The following RBMX2 variants were observed in gnomAD, a reference collection of about 807,000 sequenced individuals.
RBMX2 encodes the protein RNA binding motif protein X-linked 2, also known as RNA-binding motif protein, X-linked 2.
For synonymous variants in RBMX2, 77 were observed against 94.3 expected, an observed-to-expected ratio of 0.82 and a Z score of 1.07; for missense variants, 191 against 256.0, an observed-to-expected ratio of 0.75 and a Z score of 1.73.
intron 3 of RBMX2, 33 bp downstream of exon 3, chrX:130,403,886 C>T (rs377683090): frequency 1.4e-5 from 17 of 1,174,078 alleles, no homozygotes; most frequent in Admixed American, 4.3e-5. Flanking sequence ...CCTCCTGAGT[C>T]GACAGAGTAC....
At chrX:130,407,319 C>T (rs1348882912) in intron 3 of RBMX2, among the ~76,000 whole-genome samples, 1 of 111,347 alleles carries the variant, frequency 9.0e-6, no homozygotes, top group Non-Finnish European at 1.9e-5. Flanking sequence ...GTGTTAAGAC[C>T]GTAGCTCACT....
chrX:130,408,529 T>G (rs998979379), intron 3 of RBMX2, among the ~76,000 whole-genome samples: 1 of 112,014 alleles, frequency 8.9e-6, no homozygotes, highest in African/African-American at 3.2e-5. Flanking sequence ...TTTCATGCTG[T>G]TGTTAGGAGA....
chrX:130,412,232 GT>G, intron 5 of RBMX2, 128 bp from the exon 6 acceptor site: 1 of 911,760 alleles, frequency 1.1e-6, no homozygotes, highest in Non-Finnish European at 1.5e-6. Context: ...GGCTGTGAAT[GT>G]TTTTGAACTG....
chrX:130,402,225 A>ACCCGGCCC, intron 1 of RBMX2, 30 bp from the exon 2 acceptor site: 1 of 984,797 alleles, frequency 1.0e-6, no homozygotes, highest in Non-Finnish European at 1.4e-6. Flanking sequence ...TTTTCTGCCT[A>ACCCGGCCC]CCCTCCCCAC....
chrX:130,404,985 G>C (rs1396158172), intron 3 of RBMX2, among the ~76,000 whole-genome samples: 1 of 112,592 alleles, frequency 8.9e-6, no homozygotes, highest in African/African-American at 3.2e-5. Flanking sequence ...GAGCTAACGT[G>C]TGCATGTTTG....
chrX:130,403,879 C>T (rs755760911), intron 3 of RBMX2, 26 bp downstream of exon 3: 2 of 1,187,995 alleles, frequency 1.7e-6, no homozygotes, highest in Non-Finnish European at 1.1e-6. Context: ...TTTCCTGCCT[C>T]CTGAGTCGAC....
At chrX:130,404,326 C>T (rs759660223) in intron 3 of RBMX2, 1 of 117,379 alleles carries the variant, frequency 8.5e-6, no homozygotes, top group South Asian at 3.4e-4. Context: ...CAATCTCTGC[C>T]TGGAGGCTGA....
intron 4 of RBMX2, among the ~76,000 whole-genome samples, chrX:130,409,972 A>C (rs748347165): frequency 3.6e-5 from 4 of 112,670 alleles, no homozygotes; most frequent in East Asian, 5.6e-4. Flanking sequence ...GAGATAGCGC[A>C]AGTCAGGCTT....
chrX:130,409,215 C>G, intron 3 of RBMX2, 42 bp from the exon 4 acceptor site: 1 of 1,141,273 alleles, frequency 8.8e-7, no homozygotes, highest in Non-Finnish European at 1.2e-6. Context: ...ATGTTTTTGC[C>G]TTTTAAGTCA....
chrX:130,402,969 CTT>C (rs750592231), intron 2 of RBMX2, among the ~76,000 whole-genome samples: 1 of 112,861 alleles, frequency 8.9e-6, no homozygotes, highest in African/African-American at 3.2e-5. Context: ...TTATTTAACT[CTT>C]ATAATAATCT....
At chrX:130,402,170 T>C in intron 1 of RBMX2, 85 bp from the exon 2 acceptor site, 1 of 1,164,097 alleles carries the variant, frequency 8.6e-7, no homozygotes. Flanking sequence ...CGTCCCCTAG[T>C]TTTGCTCTTC....
Position 130,402,277 on chromosome X carries a change from A to G in RBMX2, c.28A>G (p.Ile10Val). MNPLTKVKL[I>V]NELNEREVQL... ...AAGCCCTTTAACTAAGGTGAAGCTG[A>G]TCAACGAGCTGAATGAACGAGAGGT... The change falls in exon 2 of 6, where the codon ATC becomes GTC. Residue 10 changes from isoleucine to valine, a missense_variant. Ile to Val is a conservative substitution (Grantham distance 29). Coordinates refer to ENST00000305536, the MANE Select transcript of RBMX2 (RefSeq NM_016024.4). 9.6e-7 allele frequency: 1 copy of G among 1,043,844 alleles called. No homozygotes were observed. The highest frequency in any genetic ancestry group is 1.3e-6 in the Non-Finnish European group (1 of 797,447). 86.0% of individuals were successfully genotyped at this position (1,043,844 alleles called of 1,213,427 possible).
intron 4 of RBMX2, chrX:130,411,117 C>T (rs1419782354): frequency 2.1e-5 from 6 of 290,258 alleles, no homozygotes; most frequent in Non-Finnish European, 3.6e-5. Flanking sequence ...AGTGATGAGG[C>T]TGCTGGTACA....
rs753206063 is a variant in RBMX2 at position 130,401,997 on chromosome X, C to A, written c.-36C>A. ...CATGCGCTGCGCTGCCTTTCCCGGG[C>A]GCTGATTCCTGAGTGCTGAGCGCGA... On this transcript the variant is annotated 5_prime_UTR_variant, in exon 1 of 6. Coordinates refer to ENST00000305536, the MANE Select transcript of RBMX2 (RefSeq NM_016024.4). 2.5e-6 allele frequency: 3 copies of A among 1,183,205 alleles called. No individual in the cohort carries two copies. The highest frequency in any genetic ancestry group is 3.4e-6 in the Non-Finnish European group (3 of 879,182).
rs949115214 is a variant in RBMX2, at chrX:130,413,415, T to C, written c.*567T>C. On this transcript the variant is annotated 3_prime_UTR_variant, in exon 6 of 6. Coordinates refer to ENST00000305536, the MANE Select transcript of RBMX2 (RefSeq NM_016024.4). ...GTATTTAGGTGAAATTCACATAACA[T>C]AAAGTTAACCATTTTAAAGGGAACA... 1.8e-5 allele frequency: 2 copies of C among 112,789 alleles called. No homozygotes were observed. Among genetic ancestry groups the C allele is most frequent in the Admixed American group, 9.4e-5 (1 of 10,691 alleles). 9.3% of individuals were successfully genotyped at this position (112,789 alleles called of 1,213,427 possible).
At chrX:130,403,381 T>C (rs1200391657) in intron 2 of RBMX2, among the ~76,000 whole-genome samples, 1 of 112,342 alleles carries the variant, frequency 8.9e-6, no homozygotes, top group African/African-American at 3.2e-5. Context: ...TTCTTTCTTT[T>C]TTTTGAGCTG....
intron 2 of RBMX2, 77 bp from the exon 3 acceptor site, chrX:130,403,725 G>C: frequency 1.1e-6 from 1 of 945,798 alleles, no homozygotes; most frequent in Non-Finnish European, 1.5e-6. Context: ...TCCACCCCTA[G>C]TGCCTGGCCT....
At position 130,413,295 on chromosome X, in the gene RBMX2, A is replaced by C. The variant is rs937604876; in HGVS notation, c.*447A>C. 1 of 112,837 alleles carries C rather than the reference A, an allele frequency of 8.9e-6. No homozygotes were observed. 9.3% of individuals were successfully genotyped at this position (112,837 alleles called of 1,213,427 possible). On this transcript the variant is annotated 3_prime_UTR_variant, in exon 6 of 6. Coordinates refer to ENST00000305536, the MANE Select transcript of RBMX2 (RefSeq NM_016024.4). Reference sequence around the variant, plus strand: ...TCCATGCCCAAACCTTCCTGTTTGCAGAACTTTTTAATGTCTTTTCTTTTT... The same window carrying C: ...TCCATGCCCAAACCTTCCTGTTTGCCGAACTTTTTAATGTCTTTTCTTTTT...
intron 2 of RBMX2, among the ~76,000 whole-genome samples, chrX:130,402,687 C>G (rs1378388932): frequency 9.0e-6 from 1 of 111,562 alleles, no homozygotes; most frequent in Admixed American, 9.5e-5. Flanking sequence ...AAGGGACTTC[C>G]TTAAGGTCAC....
Sources: gnomAD v4.1 joint callset for allele counts (sites outside exome capture counted in the v4.1 genomes callset) on GRCh38, gnomAD v4.1.1 for gene constraint, MANE v1.5 for transcripts, NCBI Gene and HGNC (gene_info 2026-07-23, HGNC 2026-07-21) for gene names.